NEU1: variants seen among roughly 807,000 people sequenced by gnomAD.
The protein encoded by NEU1 is neuraminidase 1, also known as sialidase-1.
A neutral mutation model predicts 38.3 loss-of-function variants in NEU1; 32 were observed. The ratio of observed to expected loss-of-function variants is 0.84; its 90% CI spans 0.63 to 1.12. The LOEUF (loss-of-function observed/expected upper bound fraction) is 1.12. NEU1 is among the 50% of genes most tolerant of loss of function. The pLI, the probability that NEU1 is intolerant of heterozygous loss-of-function variation, is 0.00. For missense variants in NEU1, 431 were observed against 549.2 expected (o/e 0.78, Z 2.15); for synonymous variants, 192 against 225.2 (o/e 0.85, Z 1.32).
chr6:31,860,879 C>A lies in NEU1; in HGVS notation c.616-258G>T. 1 of 620,202 alleles carries A rather than the reference C, an allele frequency of 1.6e-6. No individual in the cohort carries two copies. Among genetic ancestry groups the A allele is most frequent in the Non-Finnish European group, 2.8e-6 (1 of 353,824 alleles). The allele number at this position is 620,202 out of a possible 1,614,324, so 38.4% of individuals were successfully genotyped here. A position where few individuals can be genotyped will look rare whatever the true frequency, so the allele number is the denominator to read the frequency against. On this transcript the variant is annotated intron_variant, in intron 3 of 5. Transcript: ENST00000375631. This position sits in a 1 kb window ranked among gnomAD's most constrained non-coding sequence, Gnocchi z 4.8. Reference sequence around the variant, plus strand: ...AGAGCTTAAACCCAACCTGTGCTCACTCGCCAAGCTGTGCACCCTGGCACA... The same window carrying A: ...AGAGCTTAAACCCAACCTGTGCTCAATCGCCAAGCTGTGCACCCTGGCACA...
chr6:31,861,994 T>C lies in NEU1; in HGVS notation c.352+5A>G. ...ACCGGCTCTTTCACCCAGACATCTTTATACCCTGGTCCATGGACCTCCGCA... is the reference window on the plus strand; with the variant it reads ...ACCGGCTCTTTCACCCAGACATCTTCATACCCTGGTCCATGGACCTCCGCA... On this transcript the variant is annotated splice_donor_5th_base_variant and intron_variant, in intron 2 of 5. Transcript: ENST00000375631. 1 of 1,613,062 alleles carries C rather than the reference T, an allele frequency of 6.2e-7. No homozygotes were observed. The highest frequency in any genetic ancestry group is 8.5e-7 in the Non-Finnish European group (1 of 1,180,024).
intron 2 of NEU1, 117 bp from the exon 3 acceptor site, chr6:31,861,567 G>C (rs1193423081): frequency 7.6e-7 from 1 of 1,315,416 alleles, no homozygotes; most frequent in African/African-American, 1.5e-5. Context: ...TGGTCCCAGG[G>C]TGCAATCCAA....
rs1562429132 is a variant in NEU1, at chr6:31,858,632, AAAAT to A, written c.*1083_*1086del. The A allele has an allele frequency of 6.6e-6, 1 of 151,534 alleles. No individual in the cohort carries two copies. The highest frequency in any genetic ancestry group is 6.6e-5 in the Admixed American group (1 of 15,198). 9.4% of individuals were successfully genotyped at this position (151,534 alleles called of 1,614,324 possible). A position where few individuals can be genotyped will look rare whatever the true frequency, so the allele number is the denominator to read the frequency against. Reference sequence around the variant, plus strand: ...CTCAAAAAAAAAAAAATTAAATTAAAAAATAAATAAATAAAAAATAAAAAATATC... The same window carrying A: ...CTCAAAAAAAAAAAAATTAAATTAAAAAATAAATAAAAAATAAAAAATATC... On this transcript the variant is annotated 3_prime_UTR_variant, in exon 6 of 6. Coordinates refer to ENST00000375631, the MANE Select transcript of NEU1 (RefSeq NM_000434.4).
In NEU1 at chr6:31,859,868, G is replaced by T; in HGVS notation, c.1099C>A (p.Pro367Thr). The T allele has an allele frequency of 1.2e-6, 2 of 1,613,054 alleles. No homozygotes were observed. The highest frequency in any genetic ancestry group is 1.7e-6 in the Non-Finnish European group (2 of 1,180,028). ...GTTGCCAGGGATGAATAGCCACTGG[G>T]GCCTGGCCATAGCTGGACTGTCTCT... ...RKETVQLWPG[P>T]SGYSSLATLE... The change falls in exon 6 of 6, where the codon CCC (proline) becomes ACC (threonine). Residue 367 changes from proline to threonine, a missense_variant. By Grantham distance (38) the Pro-to-Thr change is conservative (BLOSUM62 -1). Transcript: ENST00000375631.
Position 31,862,502 on chromosome 6 carries a change from G to A in NEU1, c.159+116C>T. 1.4e-6 allele frequency: 2 copies of A among 1,449,718 alleles called. No individual in the cohort carries two copies. Among genetic ancestry groups the A allele is most frequent in the South Asian group, 1.2e-5 (1 of 85,996 alleles). 89.8% of individuals were successfully genotyped at this position (1,449,718 alleles called of 1,614,324 possible). The stretch of plus-strand genomic sequence containing the variant: ...GAGCGGTAGGAGGAAACGGGGTCTG[G>A]GAGAAAGAAAAGGGTCCTGTCGCGG... On this transcript the variant is annotated intron_variant, in intron 1 of 5. Coordinates refer to ENST00000375631, the MANE Select transcript of NEU1 (RefSeq NM_000434.4). The surrounding 1 kb of genome is among the most constrained non-coding windows in gnomAD (Gnocchi z 6.3).
intron 2 of NEU1, 131 bp downstream of exon 2, chr6:31,861,868 G>T: frequency 3.0e-6 from 3 of 987,570 alleles, no homozygotes; most frequent in Non-Finnish European, 4.8e-6. Flanking sequence ...TGCCCTTCTC[G>T]GGTTCCCTCT....
At chr6:31,861,964 C>G in intron 2 of NEU1, 35 bp downstream of exon 2, 1 of 1,611,442 alleles carries the variant, frequency 6.2e-7, no homozygotes, top group Non-Finnish European at 8.5e-7. Context: ...CCCATCCAAC[C>G]TAGCACCGGC....
Position 31,861,318 on chromosome 6 carries a change from G to A in NEU1, c.485C>T (p.Ala162Val). Residue 162 changes from alanine to valine, a missense_variant, in exon 3 of 6, where the codon GCC becomes GTC. Coordinates refer to ENST00000375631, the MANE Select transcript of NEU1 (RefSeq NM_000434.4). ...CATGGTAGAGGCCACCTGGCAGCCG[G>A]CCTTGTGAGCACAAAGGGAGTAGAA... ...FLFYSLCAHKAGCQVASTMLV... is the reference protein window; with the variant it reads ...FLFYSLCAHKVGCQVASTMLV... 6.2e-7 allele frequency: 1 copy of A among 1,613,020 alleles called. No homozygotes were observed. Among genetic ancestry groups the A allele is most frequent in the East Asian group, 2.2e-5 (1 of 44,884 alleles).
Position 31,857,845 on chromosome 6 carries a change from CAT to C in NEU1, c.*1872_*1873del. On this transcript the variant is annotated 3_prime_UTR_variant, in exon 6 of 6. Transcript: ENST00000375631. ...TTTCATGGAGGATGGTATCCTACCC[CAT>C]GTTAGAAATATAAAACAGCGTGGAT... 6.6e-6 allele frequency: 1 copy of C among 152,136 alleles called. No homozygotes were observed. Among genetic ancestry groups the C allele is most frequent in the East Asian group, 1.9e-4 (1 of 5,210 alleles). The allele number at this position is 152,136 out of a possible 1,614,324, so 9.4% of individuals were successfully genotyped here.
rs754390152 is a variant in NEU1 at position 31,862,683 on chromosome 6, C to G, written c.94G>C (p.Ala32Pro). 59 of 1,612,912 alleles carry G rather than the reference C, an allele frequency of 3.7e-5. No individual in the cohort carries two copies. Among genetic ancestry groups the G allele is most frequent in the Admixed American group, 1.3e-4 (8 of 60,000 alleles). ...AGAGACAGCAGCAGGAAGATCGCGGCAAACACCCAAACCCTACAGCCTCCC... is the reference window on the plus strand; with the variant it reads ...AGAGACAGCAGCAGGAAGATCGCGGGAAACACCCAAACCCTACAGCCTCCC... The part of the protein sequence containing the change: ...FWGGCRVWVF[A>P]AIFLLLSLAA... Residue 32 changes from alanine to proline, a missense_variant, in exon 1 of 6, where the codon GCC becomes CCC. By Grantham distance (27) the Ala-to-Pro change is conservative (BLOSUM62 -1). Transcript: ENST00000375631. This position sits in a 1 kb window ranked among gnomAD's most constrained non-coding sequence, Gnocchi z 6.3.
Position 31,859,752 on chromosome 6 carries a change from G to C in NEU1, c.1215C>G (p.Ser405=). 5.0e-6 allele frequency: 8 copies of C among 1,613,006 alleles called. No homozygotes were observed. Among genetic ancestry groups the C allele is most frequent in the Non-Finnish European group, 6.8e-6 (8 of 1,180,018 alleles). The change falls in exon 6 of 6, where the codon TCC becomes TCG. Residue 405 remains serine (S), a synonymous_variant. Coordinates refer to ENST00000375631, the MANE Select transcript of NEU1 (RefSeq NM_000434.4). ...TCCCATAGACACTGATTTTGGCCAC[G>C]GAGATGCTCTCTGTGTAGTGGTTCC... ...KGRNHYTESI[S]VAKISVYGTL
rs750816847 is a variant in NEU1, at chr6:31,861,376, C to T, written c.427G>A (p.Val143Met). Reference sequence around the variant, plus strand: ...ACTACTCCTGTCTCAACATCGCTCACTACTGCCCCAAGGTTCAGCCCATCG... The same window carrying T: ...ACTACTCCTGTCTCAACATCGCTCATTACTGCCCCAAGGTTCAGCCCATCG... Reference protein sequence around the residue: ...VPDGLNLGAVVSDVETGVVFL... With the variant: ...VPDGLNLGAVMSDVETGVVFL... Residue 143 changes from valine to methionine, a missense_variant, in exon 3 of 6, where the codon GTG becomes ATG. Val to Met is a conservative substitution (Grantham distance 21). Transcript: ENST00000375631. 8.7e-6 allele frequency: 14 copies of T among 1,612,906 alleles called. No individual in the cohort carries two copies. The highest frequency in any genetic ancestry group is 1.2e-5 in the Non-Finnish European group (14 of 1,180,044).
rs1348861358 is a variant in NEU1, at chr6:31,859,787, C to T, written c.1180G>A (p.Glu394Lys). 12 of 1,612,988 alleles carry T rather than the reference C, an allele frequency of 7.4e-6. No individual in the cohort carries two copies. The highest frequency in any genetic ancestry group is 1.3e-5 in the African/African-American group (1 of 74,940). The change falls in exon 6 of 6, where the codon GAG (glutamate) becomes AAG (lysine). Residue 394 changes from glutamate (E) to lysine (K), a missense_variant. Transcript: ENST00000375631. ...TCTGTGTAGTGGTTCCGGCCTTTCT[C>T]ATACAGGACGTAGAGCTGGGGGGCC... is the stretch of plus-strand genomic sequence containing the variant. Reference protein sequence around the residue: ...EQAPQLYVLYEKGRNHYTESI... With the variant: ...EQAPQLYVLYKKGRNHYTESI...
In NEU1 at chr6:31,860,788, A is replaced by C; in HGVS notation, c.616-167T>G. 5.3e-6 allele frequency: 4 copies of C among 753,476 alleles called. No individual in the cohort carries two copies. The highest frequency in any genetic ancestry group is 9.0e-6 in the Non-Finnish European group (4 of 442,900). The allele number at this position is 753,476 out of a possible 1,614,324, so 46.7% of individuals were successfully genotyped here. On this transcript the variant is annotated intron_variant, in intron 3 of 5. Transcript: ENST00000375631. This position sits in a 1 kb window ranked among gnomAD's most constrained non-coding sequence, Gnocchi z 4.8. ...TCCCATAAATACACACCCTGTTTGA[A>C]TTAAGAAGCTCTCCCAGGGTGTACA...
chr6:31,860,133 G>A lies in NEU1; in HGVS notation c.930C>T (p.Asp310=). 6.2e-7 allele frequency: 1 copy of A among 1,613,056 alleles called. No homozygotes were observed. Among genetic ancestry groups the A allele is most frequent in the Non-Finnish European group, 8.5e-7 (1 of 1,180,018 alleles). The change falls in exon 5 of 6, where the codon GAC becomes GAT. Residue 310 remains aspartate (D), a synonymous_variant. Coordinates refer to ENST00000375631, the MANE Select transcript of NEU1 (RefSeq NM_000434.4). This position sits in a 1 kb window ranked among gnomAD's most constrained non-coding sequence, Gnocchi z 4.8. Reference sequence around the variant, plus strand: ...CTACCACAGGGTCCACGAGCTCAGGGTCGAAGGTCACATCACGGGGCCTTA... The same window carrying A: ...CTACCACAGGGTCCACGAGCTCAGGATCGAAGGTCACATCACGGGGCCTTA... The part of the protein sequence containing the change: ...DTLRPRDVTF[D]PELVDPVVAA...
In NEU1 at chr6:31,861,453, GA is replaced by G. The variant is rs1260702596; in HGVS notation, c.353-4del. 1.9e-6 allele frequency: 3 copies of G among 1,612,654 alleles called. No individual in the cohort carries two copies. The highest frequency in any genetic ancestry group is 2.5e-6 in the Non-Finnish European group (3 of 1,180,022). ...CGCTGTAGGAGACCATGTGCTGCCTGAAAAAAATTGGAGGAAGAAACCCAGA... is the reference window on the plus strand; with the variant it reads ...CGCTGTAGGAGACCATGTGCTGCCTGAAAAAATTGGAGGAAGAAACCCAGA... On this transcript the variant is annotated splice_region_variant and splice_polypyrimidine_tract_variant and intron_variant, in intron 2 of 5. Transcript: ENST00000375631.
chr6:31,860,876 T>G lies in NEU1; in HGVS notation c.616-255A>C. The stretch of plus-strand genomic sequence containing the variant: ...ATGAGAGCTTAAACCCAACCTGTGC[T>G]CACTCGCCAAGCTGTGCACCCTGGC... On this transcript the variant is annotated intron_variant, in intron 3 of 5. Transcript: ENST00000375631. The surrounding 1 kb of genome is among the most constrained non-coding windows in gnomAD (Gnocchi z 4.8). 1.6e-6 allele frequency: 1 copy of G among 620,096 alleles called. No homozygotes were observed. Among genetic ancestry groups the G allele is most frequent in the Non-Finnish European group, 2.8e-6 (1 of 353,496 alleles). The allele number at this position is 620,096 out of a possible 1,614,324, so 38.4% of individuals were successfully genotyped here.
In NEU1 at chr6:31,858,396, G is replaced by C. The variant is rs909644380; in HGVS notation, c.*1323C>G. ...AGGCCGAGGCGGGTGGATCACCTGA[G>C]GCCAGGAGTTTGAGACCAGCCTGGC... On this transcript the variant is annotated 3_prime_UTR_variant, in exon 6 of 6. Transcript: ENST00000375631. 6.6e-6 allele frequency: 1 copy of C among 152,062 alleles called. No individual in the cohort carries two copies. Among genetic ancestry groups the C allele is most frequent in the East Asian group, 1.9e-4 (1 of 5,146 alleles). The allele number at this position is 152,062 out of a possible 1,614,324, so 9.4% of individuals were successfully genotyped here.
In NEU1 at chr6:31,860,759, C is replaced by G. The variant is rs1255571886; in HGVS notation, c.616-138G>C. On this transcript the variant is annotated intron_variant, in intron 3 of 5. Coordinates refer to ENST00000375631, the MANE Select transcript of NEU1 (RefSeq NM_000434.4). This position sits in a 1 kb window ranked among gnomAD's most constrained non-coding sequence, Gnocchi z 4.8. Reference sequence around the variant, plus strand: ...GCCCTTGCTCACTGAGGGTTCCAGTCAGATCCCATAAATACACACCCTGTT... The same window carrying G: ...GCCCTTGCTCACTGAGGGTTCCAGTGAGATCCCATAAATACACACCCTGTT... 3 of 923,564 alleles carry G rather than the reference C, an allele frequency of 3.2e-6. No individual in the cohort carries two copies. The highest frequency in any genetic ancestry group is 5.2e-6 in the Non-Finnish European group (3 of 579,680). The allele number at this position is 923,564 out of a possible 1,614,324, so 57.2% of individuals were successfully genotyped here. A position where few individuals can be genotyped will look rare whatever the true frequency, so the allele number is the denominator to read the frequency against.
Sources: allele counts gnomAD v4.1 joint callset, GRCh38; gene constraint gnomAD v4.1.1; non-coding constraint Gnocchi (gnomAD v3.1); transcripts MANE v1.5; gene names NCBI Gene and HGNC (gene_info 2026-07-23, HGNC 2026-07-21).